The following GRAMD1C variants were observed in gnomAD, a reference collection of about 807,000 sequenced individuals.
The protein encoded by GRAMD1C is GRAM domain containing 1C, also known as protein Aster-C.
GRAMD1C carries 89 observed loss-of-function variants against 97.8 expected under a neutral mutation model. The observed-to-expected ratio is 0.91, with a 90% CI of 0.77 to 1.09. The LOEUF (loss-of-function observed/expected upper bound fraction) is 1.09, where lower values mean the gene tolerates loss of function less well. Among genes scored for constraint, GRAMD1C ranks in the 50% least tolerant of loss-of-function variants. GRAMD1C has a pLI of 0.00. For missense variants in GRAMD1C, 740 were observed against 766.4 expected, an observed-to-expected ratio of 0.97 and a Z score of 0.41; for synonymous variants, 256 against 267.0, an observed-to-expected ratio of 0.96 and a Z score of 0.40.
At chr3:113,831,425 C>A (rs1246885463) in intron 1 of GRAMD1C, among the ~76,000 whole-genome samples, 2 of 7,518 alleles carry the variant, frequency 2.7e-4, no homozygotes, top group African/African-American at 2.8e-4. Context: ...TTGCACCTTA[C>A]TTTTTTTTAA....
At chr3:113,910,155 G>A (rs113083254) in intron 9 of GRAMD1C, among the ~76,000 whole-genome samples, 51 of 152,220 alleles carry the variant, frequency 3.4e-4, no homozygotes, top group African/African-American at 9.4e-4. Context: ...AGGCCGAGGC[G>A]GGTGGATCAC....
chr3:113,876,031 T>C, intron 4 of GRAMD1C, 134 bp from the exon 5 acceptor site: 1 of 597,258 alleles, frequency 1.7e-6, no homozygotes, highest in Admixed American at 3.2e-5. Flanking sequence ...ACTTATTAAC[T>C]CCTTCAAGTC....
chr3:113,913,326 A>G (rs928440988), intron 9 of GRAMD1C, among the ~76,000 whole-genome samples: 17 of 151,004 alleles, frequency 1.1e-4, no homozygotes, highest in African/African-American at 4.1e-4. Flanking sequence ...GGAGTTCGAG[A>G]CCAGTCTGGC....
chr3:113,871,195 G>A (rs2107373485), intron 3 of GRAMD1C, among the ~76,000 whole-genome samples: 1 of 152,008 alleles, frequency 6.6e-6, no homozygotes, highest in African/African-American at 2.4e-5. Flanking sequence ...AAATGTTCTA[G>A]GGCTAAATCA....
intron 10 of GRAMD1C, among the ~76,000 whole-genome samples, chr3:113,921,961 T>C (rs780776706): frequency 1.9e-4 from 29 of 152,194 alleles, no homozygotes; most frequent in Non-Finnish European, 3.2e-4. Flanking sequence ...TACTCTTTAG[T>C]TTAATTATGT....
At chr3:113,892,615 A>G (rs1300319605) in intron 6 of GRAMD1C, among the ~76,000 whole-genome samples, 3 of 152,174 alleles carry the variant, frequency 2.0e-5, no homozygotes, top group Non-Finnish European at 4.4e-5. Flanking sequence ...TGTCACTACA[A>G]TCATTCGTGA....
chr3:113,880,606 C>G (rs1018712539), intron 5 of GRAMD1C, among the ~76,000 whole-genome samples: 1 of 152,124 alleles, frequency 6.6e-6, no homozygotes, highest in Non-Finnish European at 1.5e-5. Context: ...ACCATGCCCT[C>G]TTATGCTCAT....
intron 6 of GRAMD1C, among the ~76,000 whole-genome samples, chr3:113,893,681 A>G (rs1935822881): frequency 6.6e-6 from 1 of 152,244 alleles, no homozygotes; most frequent in Non-Finnish European, 1.5e-5. Context: ...TGGTTTACCA[A>G]GTACGGTCTG....
chr3:113,840,027 C>T lies in GRAMD1C; in HGVS notation c.27+1091C>T, dbSNP rs561754944. Among the ~76,000 whole-genome samples, 26 of 152,230 alleles carry T rather than the reference C, an allele frequency of 1.7e-4. No homozygotes were observed. In the East Asian group the frequency reaches 4.1e-3, roughly 24 times the overall value. ...ACACCCTGAGGTTGGAGTGCAGTGG[C>T]GCAATCTCGGCTCACTGCAAGCTCT... On this transcript the variant is annotated intron_variant, in intron 1 of 17. Coordinates refer to ENST00000358160, the MANE Select transcript of GRAMD1C (RefSeq NM_017577.5).
chr3:113,877,972 G>C (rs1935112731), intron 5 of GRAMD1C, among the ~76,000 whole-genome samples: 2 of 152,036 alleles, frequency 1.3e-5, no homozygotes, highest in Admixed American at 1.3e-4. Flanking sequence ...TAGAGATGGG[G>C]TTTCACTATT....
At chr3:113,911,888 C>G (rs907958691) in intron 9 of GRAMD1C, among the ~76,000 whole-genome samples, 4 of 152,036 alleles carry the variant, frequency 2.6e-5, no homozygotes, top group African/African-American at 9.7e-5. Flanking sequence ...CCACCATGCC[C>G]AGCTAATTTT....
upstream of GRAMD1C, among the ~76,000 whole-genome samples, chr3:113,837,312 A>G (rs1709649229): frequency 6.6e-6 from 1 of 152,056 alleles, no homozygotes; most frequent in African/African-American, 2.4e-5. Flanking sequence ...GGAACTCTGA[A>G]CCCCAAATAT....
At chr3:113,841,651 G>C (rs1468881129) in intron 1 of GRAMD1C, among the ~76,000 whole-genome samples, 1 of 151,914 alleles carries the variant, frequency 6.6e-6, no homozygotes, top group Non-Finnish European at 1.5e-5. Context: ...TTTATATTGG[G>C]TTGTATAATT....
At chr3:113,916,834 T>G (rs1442765429) in intron 10 of GRAMD1C, among the ~76,000 whole-genome samples, 1 of 152,194 alleles carries the variant, frequency 6.6e-6, no homozygotes, top group Non-Finnish European at 1.5e-5. Context: ...AAGAAGAATT[T>G]CATTGATTAT....
chr3:113,879,962 G>A (rs1389963742), intron 5 of GRAMD1C, among the ~76,000 whole-genome samples: 6 of 151,898 alleles, frequency 4.0e-5, no homozygotes, highest in East Asian at 3.9e-4. Flanking sequence ...CCAAAGTGTC[G>A]GGATTACCAG....
intron 10 of GRAMD1C, among the ~76,000 whole-genome samples, chr3:113,929,695 GATTTGTGA>G: frequency 6.6e-6 from 1 of 152,134 alleles, no homozygotes; most frequent in East Asian, 1.9e-4. Context: ...TAGACTCTAT[GATTTGTGA>G]TTTTGCCTTT....
intron 9 of GRAMD1C, among the ~76,000 whole-genome samples, chr3:113,912,079 A>T (rs982719953): frequency 6.6e-6 from 1 of 152,160 alleles, no homozygotes; most frequent in African/African-American, 2.4e-5. Flanking sequence ...CAGCCACACC[A>T]GGAGTTAGGG....
chr3:113,923,911 G>A (rs577667709), intron 10 of GRAMD1C, among the ~76,000 whole-genome samples: 176 of 152,124 alleles, frequency 1.2e-3, no homozygotes, highest in African/African-American at 4.0e-3. Context: ...CGGGTCCTGG[G>A]CTTTTTTTGA....
chr3:113,934,671 G>C lies in GRAMD1C; in HGVS notation c.1456+136G>C, dbSNP rs75684167. 1,381 of 537,296 alleles carry C rather than the reference G, an allele frequency of 2.6e-3. 21 individuals carry two copies. Among genetic ancestry groups the C allele is most frequent in the African/African-American group, 0.024 (1,182 of 50,110 alleles). The allele number at this position is 537,296 out of a possible 1,614,324, so 33.3% of individuals were successfully genotyped here. On this transcript the variant is annotated intron_variant, in intron 13 of 17. Transcript: ENST00000358160. ...GACTCCCATGAAAGTGGTTCCCACT[G>C]TCCCACTTTTTCTGCCACTTAGGGA...
Sources: gnomAD v4.1 joint callset for allele counts (sites outside exome capture counted in the v4.1 genomes callset) on GRCh38, gnomAD v4.1.1 for gene constraint, MANE v1.5 for transcripts, NCBI Gene and HGNC (gene_info 2026-07-23, HGNC 2026-07-21) for gene names.